MYT1L: variants seen among roughly 807,000 people sequenced by gnomAD.
MYT1L encodes the protein myelin transcription factor 1 like.
A neutral mutation model predicts 126.7 loss-of-function variants in MYT1L; 12 were observed. The ratio of observed to expected loss-of-function variants is 0.09; its 90% CI spans 0.06 to 0.15. The LOEUF (loss-of-function observed/expected upper bound fraction) is 0.15. Ranked by LOEUF, MYT1L falls within the 10% of genes least tolerant of loss-of-function variation. The pLI is 1.00. For synonymous variants in MYT1L, 541 were observed against 604.2 expected (o/e 0.90, Z 1.53); for missense variants, 979 against 1,585.2 (o/e 0.62, Z 6.49).
intron 3 of MYT1L, among the ~76,000 whole-genome samples, chr2:2,166,416 A>G (rs919984031): frequency 1.3e-5 from 2 of 152,228 alleles, no homozygotes; most frequent in African/African-American, 4.8e-5. Flanking sequence ...TAAATATTGA[A>G]TAAGACTCTA....
chr2:2,056,701 G>C (rs1436211168), intron 3 of MYT1L, among the ~76,000 whole-genome samples: 1 of 152,168 alleles, frequency 6.6e-6, no homozygotes, highest in Admixed American at 6.5e-5. Context: ...GTGATCACTG[G>C]TAATGGAATT....
chr2:1,851,608 C>T, intron 19 of MYT1L, 33 bp downstream of exon 19: 2 of 1,599,590 alleles, frequency 1.3e-6, no homozygotes, highest in Non-Finnish European at 1.7e-6. Context: ...TGAGAAAGAG[C>T]ATTTTGGAGA....
intron 1 of MYT1L, chr2:2,327,075 C>T (rs1310875009): frequency 1.3e-5 from 2 of 152,086 alleles, no homozygotes; most frequent in Non-Finnish European, 2.9e-5. Flanking sequence ...AATCTAATAT[C>T]AGAAAAAATC....
chr2:2,319,199 G>A (rs958912619), intron 1 of MYT1L: 3 of 152,130 alleles, frequency 2.0e-5, no homozygotes, highest in Non-Finnish European at 4.4e-5. Context: ...ATGACACAGG[G>A]GATCTTCCTG....
intron 2 of MYT1L, among the ~76,000 whole-genome samples, chr2:2,191,903 T>C (rs1027797305): frequency 1.3e-5 from 2 of 152,184 alleles, no homozygotes; most frequent in African/African-American, 4.8e-5. Flanking sequence ...TTTGTTAATT[T>C]TTTCCTAAAT....
At chr2:2,060,984 A>G (rs903226330) in intron 3 of MYT1L, among the ~76,000 whole-genome samples, 1 of 152,040 alleles carries the variant, frequency 6.6e-6, no homozygotes, top group African/African-American at 2.4e-5. Flanking sequence ...TATTCTTAAT[A>G]TATAAAAAGC....
rs11900037 is a variant in MYT1L, at chr2:2,224,609, A to G, written c.-420-51621T>C. Among the ~76,000 whole-genome samples the G allele has an allele frequency of 0.79, 119,390 of 151,850 alleles. 47,484 individuals are homozygous for G. The highest frequency in any genetic ancestry group is 0.98 in the East Asian group (5,039 of 5,142). ...TCAAGACGGGCGGATCACGAGGTCAAGAGATTGAGACCATCCTGGCTAACA... is the reference window on the plus strand; with the variant it reads ...TCAAGACGGGCGGATCACGAGGTCAGGAGATTGAGACCATCCTGGCTAACA... On this transcript the variant is annotated intron_variant, in intron 2 of 24. Coordinates refer to ENST00000647738, the MANE Select transcript of MYT1L (RefSeq NM_001303052.2). The surrounding 1 kb of genome is among the most constrained non-coding windows in gnomAD (Gnocchi z 4.0).
intron 2 of MYT1L, among the ~76,000 whole-genome samples, chr2:2,257,414 A>C (rs1384836866): frequency 6.6e-6 from 1 of 152,164 alleles, no homozygotes; most frequent in Non-Finnish European, 1.5e-5. Flanking sequence ...GCGGTGGCTT[A>C]TGCCTGTAAT....
intron 18 of MYT1L, among the ~76,000 whole-genome samples, chr2:1,860,109 G>C (rs1022331385): frequency 6.6e-6 from 1 of 152,218 alleles, no homozygotes; most frequent in African/African-American, 2.4e-5. Context: ...AGGGCCGAAA[G>C]GCGCCCCAAG....
chr2:2,328,411 T>C (rs1559693670), intron 1 of MYT1L, among the ~76,000 whole-genome samples: 1 of 152,214 alleles, frequency 6.6e-6, no homozygotes, highest in Non-Finnish European at 1.5e-5. Context: ...ACTATCCACA[T>C]AGTCCTAAGG....
chr2:2,007,135 A>C (rs2063413432), intron 4 of MYT1L, among the ~76,000 whole-genome samples: 1 of 152,022 alleles, frequency 6.6e-6, no homozygotes, highest in Admixed American at 6.5e-5. Flanking sequence ...ATCATGCTGC[A>C]ATGAACATGG....
chr2:2,154,636 A>T (rs752168346), intron 3 of MYT1L, among the ~76,000 whole-genome samples: 5 of 152,182 alleles, frequency 3.3e-5, no homozygotes, highest in Non-Finnish European at 5.9e-5. Context: ...AAGAGAATAC[A>T]TGAACACATA....
At position 2,163,873 on chromosome 2, in the gene MYT1L, A is replaced by G. The variant is rs191272659; in HGVS notation, c.-304+8999T>C. Among the ~76,000 whole-genome samples, 156 of 152,276 alleles carry G rather than the reference A, an allele frequency of 1.0e-3. 1 individual carries two copies. Among genetic ancestry groups the G allele is most frequent in the Middle Eastern group, 3.4e-3 (1 of 294 alleles). ...GTTAGTGGTCCATGACAAAGAGGAA[A>G]TGGGACCAGGTGTAAATTTTATGTC... On this transcript the variant is annotated intron_variant, in intron 3 of 24. Transcript: ENST00000647738.
chr2:1,968,910 C>T (rs551163947), intron 8 of MYT1L, among the ~76,000 whole-genome samples: 5 of 152,230 alleles, frequency 3.3e-5, no homozygotes, highest in East Asian at 1.9e-4. Flanking sequence ...GCCCCTCCTG[C>T]GTGTGCAGCA....
intron 23 of MYT1L, chr2:1,795,875 A>T (rs764400260): frequency 1.3e-5 from 2 of 152,244 alleles, no homozygotes; most frequent in African/African-American, 2.4e-5. Flanking sequence ...CCGCATTTTT[A>T]CAGACTTGTC....
chr2:1,864,527 C>T (rs2045193976), intron 18 of MYT1L, among the ~76,000 whole-genome samples: 1 of 152,202 alleles, frequency 6.6e-6, no homozygotes, highest in African/African-American at 2.4e-5. Flanking sequence ...CTGGACACTC[C>T]CCAGGGGAGA....
At chr2:2,284,967 T>C (rs1030329227) in intron 1 of MYT1L, among the ~76,000 whole-genome samples, 2 of 152,156 alleles carry the variant, frequency 1.3e-5, no homozygotes, top group Non-Finnish European at 2.9e-5. Context: ...CCGCCCACCT[T>C]AGCCTCCCAA....
chr2:1,794,520 C>T (rs1402877360), intron 23 of MYT1L, among the ~76,000 whole-genome samples: 2 of 152,190 alleles, frequency 1.3e-5, no homozygotes, highest in Admixed American at 6.5e-5. Flanking sequence ...CCAACTGCTC[C>T]CCCGGCTTAG....
chr2:1,844,973 C>T (rs1558735239), intron 19 of MYT1L, among the ~76,000 whole-genome samples: 2 of 139,594 alleles, frequency 1.4e-5, no homozygotes, highest in Non-Finnish European at 3.0e-5. Context: ...TTGGATCCAT[C>T]TTCCTTTTTT....
Sources: allele counts gnomAD v4.1 joint callset (sites outside exome capture counted in the v4.1 genomes callset), GRCh38; gene constraint gnomAD v4.1.1; non-coding constraint Gnocchi (gnomAD v3.1); transcripts MANE v1.5; gene names NCBI Gene and HGNC (gene_info 2026-07-23, HGNC 2026-07-21).